Variants in CNKSR1 observed in about 807,000 individuals in gnomAD.
CNKSR1 encodes the protein CNK homolog protein 1.
A neutral mutation model predicts 95.6 loss-of-function variants in CNKSR1; 88 were observed. The observed-to-expected ratio is 0.92, with a 90% CI of 0.78 to 1.10. The LOEUF (loss-of-function observed/expected upper bound fraction) is 1.10. Ranked by LOEUF, CNKSR1 falls within the 50% of genes least tolerant of loss-of-function variation. The pLI, the probability that CNKSR1 is intolerant of heterozygous loss-of-function variation, is 0.00. For missense variants in CNKSR1, 836 were observed against 912.0 expected (o/e 0.92, Z 1.07); for synonymous variants, 355 against 369.7 (o/e 0.96, Z 0.46).
rs1239754593 is a variant in CNKSR1 at position 26,189,440 on chromosome 1, C to T, written c.2034C>T (p.Thr678=). 2.5e-6 allele frequency: 4 copies of T among 1,614,118 alleles called. No individual in the cohort carries two copies. The highest frequency in any genetic ancestry group is 2.2e-5 in the South Asian group (2 of 91,086). The part of the protein sequence containing the change: ...AQAEGSSHIL[T]SDSTEQSPHS... ...CTGAAGGCAGCTCCCACATCTTGAC[C>T]TCTGACTCCACAGAACAGTCCCCCC... The change falls in exon 21 of 21, where the codon ACC becomes ACT. Residue 678 remains threonine (T), a synonymous_variant. Transcript: ENST00000361530.
At chr1:26,178,509 C>T (rs1557618196) in intron 1 of CNKSR1, among the ~76,000 whole-genome samples, 1 of 152,150 alleles carries the variant, frequency 6.6e-6, no homozygotes, top group Non-Finnish European at 1.5e-5. Context: ...GAAGGAAGGG[C>T]CTCCTGACAC....
chr1:26,181,824 C>T (rs1557620335), intron 3 of CNKSR1, 33 bp from the exon 4 acceptor site: 2 of 1,585,332 alleles, frequency 1.3e-6, no homozygotes, highest in East Asian at 2.2e-5. Flanking sequence ...TAAGCATAGT[C>T]CCTTAACCAC....
chr1:26,181,156 CT>C (rs2088641069), intron 3 of CNKSR1: 1 of 430,974 alleles, frequency 2.3e-6, no homozygotes, highest in African/African-American at 2.0e-5. Context: ...TGGTGCGCAC[CT>C]GTAATCCCAG....
chr1:26,178,963 G>A (rs983282380), intron 1 of CNKSR1, among the ~76,000 whole-genome samples: 1 of 152,214 alleles, frequency 6.6e-6, no homozygotes, highest in Non-Finnish European at 1.5e-5. Flanking sequence ...GCCTGGCTTA[G>A]AAGGGGAAGA....
chr1:26,180,976 TG>T, intron 3 of CNKSR1, 80 bp downstream of exon 3: 2 of 1,563,166 alleles, frequency 1.3e-6, no homozygotes, highest in Non-Finnish European at 1.8e-6. Context: ...AAACAGATCT[TG>T]GCTCTTGTTC....
At position 26,177,495 on chromosome 1, in the gene CNKSR1, T is replaced by C. The variant is rs756253592; in HGVS notation, c.-53T>C. 8.1e-6 allele frequency: 13 copies of C among 1,610,256 alleles called. No individual in the cohort carries two copies. The highest frequency in any genetic ancestry group is 1.7e-4 in the Middle Eastern group (1 of 6,044). On this transcript the variant is annotated 5_prime_UTR_variant, in exon 1 of 21. Coordinates refer to ENST00000361530, the MANE Select transcript of CNKSR1 (RefSeq NM_006314.3). ...AGGCCTGGGCTCTGGGAGCGGAAAT[T>C]CCGGCGACAGCAGGGCAAAACAGGA...
At chr1:26,180,667 G>T in intron 2 of CNKSR1, 48 bp from the exon 3 acceptor site, 2 of 1,614,044 alleles carry the variant, frequency 1.2e-6, no homozygotes, top group Non-Finnish European at 1.7e-6. Context: ...GGGTGTGATG[G>T]GGGGCTGGCT....
At chr1:26,188,127 C>G in intron 16 of CNKSR1, 107 bp from the exon 17 acceptor site, 1 of 936,130 alleles carries the variant, frequency 1.1e-6, no homozygotes, top group Non-Finnish European at 1.7e-6. Flanking sequence ...TCATCCCTCT[C>G]AGAGTTGCTC....
At chr1:26,186,372 C>T (rs1239467080) in intron 14 of CNKSR1, among the ~76,000 whole-genome samples, 4 of 152,244 alleles carry the variant, frequency 2.6e-5, no homozygotes, top group Non-Finnish European at 4.4e-5. Context: ...ATGATCTCAG[C>T]TCACTACAGC....
chr1:26,180,635 C>T, intron 2 of CNKSR1, 25 bp downstream of exon 2: 3 of 1,614,146 alleles, frequency 1.9e-6, no homozygotes, highest in Non-Finnish European at 2.5e-6. Context: ...GTCACACTGG[C>T]TGCAGCTTCC....
At chr1:26,184,639 G>T in intron 13 of CNKSR1, 27 bp downstream of exon 13, 1 of 1,585,014 alleles carries the variant, frequency 6.3e-7, no homozygotes, top group Non-Finnish European at 8.6e-7. Flanking sequence ...ACTAGGTGGG[G>T]GTTCCCCTGT....
chr1:26,184,883 C>A, intron 13 of CNKSR1, 131 bp from the exon 14 acceptor site: 2 of 978,424 alleles, frequency 2.0e-6, no homozygotes, highest in Non-Finnish European at 1.5e-6. Context: ...TCAGAGATGA[C>A]ACATGTAGCA....
rs762972951 is a variant in CNKSR1 at position 26,189,652 on chromosome 1, G to A, written c.*104G>A. The A allele has an allele frequency of 3.2e-5, 25 of 792,972 alleles. No individual in the cohort carries two copies. Among genetic ancestry groups the A allele is most frequent in the Non-Finnish European group, 5.1e-5 (22 of 430,394 alleles). 49.1% of individuals were successfully genotyped at this position (792,972 alleles called of 1,614,324 possible). ...CATCCCTGGATTCTGTTCAGGGTGG[G>A]AAGTAGTACTGCTAGTCATGGTCTC... On this transcript the variant is annotated 3_prime_UTR_variant, in exon 21 of 21. Transcript: ENST00000361530.
intron 3 of CNKSR1, 54 bp from the exon 4 acceptor site, chr1:26,181,803 C>A: frequency 2.6e-6 from 4 of 1,549,234 alleles, no homozygotes; most frequent in Non-Finnish European, 3.6e-6. Context: ...GAGTAATTGG[C>A]TCTGAGTGGT....
intron 4 of CNKSR1, 161 bp from the exon 5 acceptor site, chr1:26,182,200 G>GC (rs1352348422): frequency 3.8e-5 from 29 of 763,656 alleles, no homozygotes; most frequent in Non-Finnish European, 6.3e-5. Flanking sequence ...AGGGAAACGA[G>GC]CCCTCTGGTT....
rs755720967 is a variant in CNKSR1, at chr1:26,184,393, C to T, written c.1001-8C>T. ...AGACTTTCCCTCTCTCTCCTCCCTCCCTGACAGACTCTGCCTCCCTTGGCC... is the reference window on the plus strand; with the variant it reads ...AGACTTTCCCTCTCTCTCCTCCCTCTCTGACAGACTCTGCCTCCCTTGGCC... On this transcript the variant is annotated splice_region_variant and splice_polypyrimidine_tract_variant and intron_variant, in intron 11 of 20. Coordinates refer to ENST00000361530, the MANE Select transcript of CNKSR1 (RefSeq NM_006314.3). 1.2e-5 allele frequency: 19 copies of T among 1,611,382 alleles called. No homozygotes were observed. The Admixed American group carries it at 3.2e-4, about 27-fold the overall frequency.
rs2088776439 is a variant in CNKSR1, at chr1:26,187,497, C to T, written c.1454+15C>T. 2 of 1,613,188 alleles carry T rather than the reference C, an allele frequency of 1.2e-6. No homozygotes were observed. The highest frequency in any genetic ancestry group is 8.5e-7 in the Non-Finnish European group (1 of 1,179,318). On this transcript the variant is annotated intron_variant, in intron 16 of 20. Transcript: ENST00000361530. ...GATCTGAGCATGTGAGTGCCGCCTC[C>T]CTTAGCCCCTACTCTCATATGATTC...
intron 14 of CNKSR1, chr1:26,186,961 C>T: frequency 1.9e-6 from 1 of 523,742 alleles, no homozygotes; most frequent in Non-Finnish European, 3.4e-6. Flanking sequence ...GCTCCCCTTT[C>T]CTGGCTTAGA....
intron 13 of CNKSR1, 119 bp downstream of exon 13, chr1:26,184,731 G>A (rs2088717526): frequency 8.0e-7 from 1 of 1,244,818 alleles, no homozygotes; most frequent in African/African-American, 1.5e-5. Context: ...AAACAGCTCT[G>A]TTTCTAGGGT....
Sources: allele counts gnomAD v4.1 joint callset (sites outside exome capture counted in the v4.1 genomes callset), GRCh38; gene constraint gnomAD v4.1.1; transcripts MANE v1.5; gene names NCBI Gene and HGNC (gene_info 2026-07-23, HGNC 2026-07-21).